The following EYS variants were observed in gnomAD, a reference collection of about 807,000 sequenced individuals.
EYS encodes the protein protein eyes shut homolog.
EYS carries 250 observed loss-of-function variants against 282.1 expected under a neutral mutation model. That is an observed-to-expected ratio of 0.89 (90% CI 0.80 to 0.98). The LOEUF (loss-of-function observed/expected upper bound fraction) is 0.98. Among genes scored for constraint, EYS ranks in the 50% least tolerant of loss-of-function variants. EYS has a pLI of 0.00. For synonymous variants in EYS, 1,355 were observed against 1,282.9 expected (o/e 1.06, Z -1.20); for missense variants, 4,016 against 3,709.0 (o/e 1.08, Z -2.15).
intron 13 of EYS, among the ~76,000 whole-genome samples, chr6:64,998,104 A>G (rs1771335418): frequency 6.6e-6 from 1 of 152,194 alleles, no homozygotes; most frequent in South Asian, 2.1e-4. Context: ...TTAACTGTTC[A>G]GTTGTTAAAG....
chr6:63,784,344 G>A (rs116535530), intron 39 of EYS, among the ~76,000 whole-genome samples: 1,837 of 152,118 alleles, frequency 0.012, 30 homozygotes, highest in African/African-American at 0.043. Flanking sequence ...AGATTTTATT[G>A]AATTAAAAAA....
intron 13 of EYS, among the ~76,000 whole-genome samples, chr6:65,029,472 A>G (rs1245895654): frequency 1.3e-5 from 2 of 152,146 alleles, no homozygotes; most frequent in African/African-American, 2.4e-5. Context: ...CTTGAACAGC[A>G]TAGGTTTAAA....
At chr6:64,692,950 T>C (rs1374221135) in intron 22 of EYS, among the ~76,000 whole-genome samples, 4 of 149,834 alleles carry the variant, frequency 2.7e-5, no homozygotes, top group Non-Finnish European at 5.9e-5. Flanking sequence ...TTTATTATTT[T>C]GCTTGGGATT....
At chr6:65,699,717 A>G (rs1309850184) in intron 1 of EYS, among the ~76,000 whole-genome samples, 1 of 152,188 alleles carries the variant, frequency 6.6e-6, no homozygotes, top group Non-Finnish European at 1.5e-5. Context: ...ATGACTGGAC[A>G]AAGGAGGTGA....
chr6:65,258,003 G>A (rs970208625), intron 12 of EYS, among the ~76,000 whole-genome samples: 2 of 151,982 alleles, frequency 1.3e-5, no homozygotes, highest in African/African-American at 4.8e-5. Context: ...GAATTGGAAT[G>A]TACCTAACAC....
intron 26 of EYS, among the ~76,000 whole-genome samples, chr6:64,481,366 G>A (rs1329974569): frequency 6.7e-6 from 1 of 149,526 alleles, no homozygotes; most frequent in African/African-American, 2.4e-5. Flanking sequence ...GAATATCTCT[G>A]GGTGTATCCA....
At chr6:64,196,041 T>G (rs892728626) in intron 31 of EYS, among the ~76,000 whole-genome samples, 2 of 151,574 alleles carry the variant, frequency 1.3e-5, no homozygotes, top group Non-Finnish European at 3.0e-5. Flanking sequence ...TCAAACAAAT[T>G]TACAAGAAAA....
chr6:63,950,198 A>AAAAAAAAAC (rs1207059412), intron 35 of EYS, among the ~76,000 whole-genome samples: 1 of 150,976 alleles, frequency 6.6e-6, no homozygotes, highest in African/African-American at 2.4e-5. Flanking sequence ...ACAAAACAAA[A>AAAAAAAAAC]AAAAAAAACA....
At chr6:65,445,196 C>T (rs949134403) in intron 5 of EYS, among the ~76,000 whole-genome samples, 1 of 151,756 alleles carries the variant, frequency 6.6e-6, no homozygotes, top group African/African-American at 2.4e-5. Flanking sequence ...AGCCAAAGGT[C>T]TAGGTTCATC....
At chr6:63,987,117 T>C (rs1039045525) in intron 34 of EYS, among the ~76,000 whole-genome samples, 18 of 151,698 alleles carry the variant, frequency 1.2e-4, no homozygotes, top group African/African-American at 2.7e-4. Context: ...GAATATTTCA[T>C]AGAAGCTAAA....
rs150194717 is a variant in EYS at position 64,912,635 on chromosome 6, A to G, written c.2490T>C (p.Pro830=). The part of the protein sequence containing the change: ...NGGLCHESTI[P]GQFVCLCPPL... The stretch of plus-strand genomic sequence containing the variant: ...GTGGGCACAGACATACAAATTGTCC[A>G]GGGATGGTAGATTCATGACAAAGAC... The change falls in exon 16 of 43, where the codon CCT becomes CCC. Residue 830 remains proline, a synonymous_variant. Coordinates refer to ENST00000503581, the MANE Select transcript of EYS (RefSeq NM_001142800.2). 100 of 1,550,454 alleles carry G rather than the reference A, an allele frequency of 6.4e-5. No individual in the cohort carries two copies. In the East Asian group the frequency reaches 2.3e-3, roughly 36 times the overall value.
At chr6:64,747,200 A>G (rs912316228) in intron 22 of EYS, among the ~76,000 whole-genome samples, 1 of 152,214 alleles carries the variant, frequency 6.6e-6, no homozygotes, top group Non-Finnish European at 1.5e-5. Flanking sequence ...GGGTTATATC[A>G]TCTAGGTCCA....
chr6:64,946,041 A>G (rs1040708542), intron 14 of EYS, 127 bp from the exon 15 acceptor site: 3 of 660,116 alleles, frequency 4.5e-6, no homozygotes, highest in East Asian at 2.9e-5. Context: ...TAGAATGCCA[A>G]TACTCCCCCC....
intron 5 of EYS, among the ~76,000 whole-genome samples, chr6:65,433,096 G>A (rs1338541826): frequency 6.6e-6 from 1 of 152,058 alleles, no homozygotes; most frequent in African/African-American, 2.4e-5. Flanking sequence ...CATCAAGTGG[G>A]CAGTTAGATA....
chr6:65,344,139 A>G lies in EYS; in HGVS notation c.1498T>C (p.Tyr500His), dbSNP rs553424461. 1.2e-6 allele frequency: 2 copies of G among 1,610,448 alleles called. No individual in the cohort carries two copies. The highest frequency in any genetic ancestry group is 1.7e-5 in the Admixed American group (1 of 59,674). Residue 500 changes from tyrosine to histidine, a missense_variant, in exon 10 of 43, where the codon TAT becomes CAT. Tyr to His is a moderately conservative substitution (Grantham distance 83). Coordinates refer to ENST00000503581, the MANE Select transcript of EYS (RefSeq NM_001142800.2). ...GTGCAGTTTGCAGCCAGAAAGAAAT[A>G]GGCATCAATAACCCCTTGGCACTTT... ...GEKCQGVIDA[Y>H]FFLAANCTED...
chr6:64,772,467 A>G (rs1773553488), intron 22 of EYS, among the ~76,000 whole-genome samples: 1 of 151,826 alleles, frequency 6.6e-6, no homozygotes. Context: ...TGAATGGGAT[A>G]TCCATCACCT....
intron 31 of EYS, among the ~76,000 whole-genome samples, chr6:64,147,252 C>T (rs983458882): frequency 5.3e-5 from 8 of 152,108 alleles, no homozygotes. Flanking sequence ...GGAGATTGAG[C>T]TTTGTGAACA....
intron 29 of EYS, among the ~76,000 whole-genome samples, chr6:64,349,665 T>C (rs917684800): frequency 1.3e-5 from 2 of 151,402 alleles, no homozygotes; most frequent in African/African-American, 2.4e-5. Flanking sequence ...AAAGTGTTTT[T>C]AGTTTTGTTT....
intron 31 of EYS, among the ~76,000 whole-genome samples, chr6:64,139,597 G>C (rs900948238): frequency 7.2e-5 from 11 of 152,168 alleles, no homozygotes; most frequent in Admixed American, 3.3e-4. Context: ...TAATGTGCTA[G>C]AAAGGTTATC....
Sources: gnomAD v4.1 joint callset for allele counts (sites outside exome capture counted in the v4.1 genomes callset) on GRCh38, gnomAD v4.1.1 for gene constraint, MANE v1.5 for transcripts, NCBI Gene and HGNC (gene_info 2026-07-23, HGNC 2026-07-21) for gene names.